Variants in VWA3B observed in about 807,000 individuals in gnomAD.
The protein encoded by VWA3B is von Willebrand factor A domain-containing protein 3B.
In VWA3B, 138 loss-of-function variants were observed where a neutral mutation model predicts 158.3. The observed-to-expected ratio is 0.87, with a 90% CI of 0.76 to 1.00. The LOEUF (loss-of-function observed/expected upper bound fraction) is 1.00, where lower values mean the gene tolerates loss of function less well. Among genes scored for constraint, VWA3B ranks in the 50% least tolerant of loss-of-function variants. VWA3B has a pLI of 0.00. For missense variants in VWA3B, 1,555 were observed against 1,565.1 expected, an observed-to-expected ratio of 0.99 and a Z score of 0.11; for synonymous variants, 596 against 587.3, an observed-to-expected ratio of 1.01 and a Z score of -0.21.
chr2:98,223,752 C>G (rs978511731), intron 14 of VWA3B, among the ~76,000 whole-genome samples: 2 of 152,038 alleles, frequency 1.3e-5, no homozygotes, highest in African/African-American at 4.8e-5. Flanking sequence ...GTTTTAGAGA[C>G]AAGGGTTTTA....
chr2:98,092,383 G>A (rs1011292173), intron 1 of VWA3B, among the ~76,000 whole-genome samples: 2 of 152,140 alleles, frequency 1.3e-5, no homozygotes, highest in Non-Finnish European at 2.9e-5. Context: ...AGTGGCTCAC[G>A]CCTGTAATCC....
chr2:98,103,715 C>A (rs1683240443), intron 2 of VWA3B, among the ~76,000 whole-genome samples: 1 of 152,258 alleles, frequency 6.6e-6, no homozygotes, highest in Admixed American at 6.5e-5. Context: ...ACATTGCATG[C>A]ACACTTGAAA....
intron 5 of VWA3B, among the ~76,000 whole-genome samples, chr2:98,122,795 G>A (rs1319410168): frequency 6.6e-6 from 1 of 152,134 alleles, no homozygotes; most frequent in Non-Finnish European, 1.5e-5. Context: ...CCTTTCTCCG[G>A]GGTTCATTCC....
chr2:98,317,724 GATGTCTC>G (rs1345270576), downstream of VWA3B, among the ~76,000 whole-genome samples: 1 of 152,114 alleles, frequency 6.6e-6, no homozygotes, highest in Non-Finnish European at 1.5e-5. Flanking sequence ...GTATTTAATT[GATGTCTC>G]ATGTCTCCCT....
chr2:98,187,658 C>CTGTGTGTGTGTGTGTGTGTG (rs1389987333), intron 9 of VWA3B, among the ~76,000 whole-genome samples: 4 of 109,916 alleles, frequency 3.6e-5, no homozygotes, highest in African/African-American at 7.5e-5. Context: ...CTCTCCGTCT[C>CTGTGTGTGTGTGTGTGTGTG]TGTGTCTGTG....
chr2:98,116,170 T>C (rs1299883262), intron 3 of VWA3B, among the ~76,000 whole-genome samples: 2 of 152,054 alleles, frequency 1.3e-5, no homozygotes, highest in Non-Finnish European at 2.9e-5. Flanking sequence ...AGCACCTGAG[T>C]CTCACGTCTC....
intron 7 of VWA3B, among the ~76,000 whole-genome samples, chr2:98,162,510 C>T (rs1678696986): frequency 2.0e-5 from 3 of 152,178 alleles, no homozygotes; most frequent in Admixed American, 6.6e-5. Context: ...TTCCCCTCCT[C>T]GCAGCGGTGA....
rs116718366 is a variant in VWA3B, at chr2:98,269,881, G to A, written c.2844-801G>A. Among the ~76,000 whole-genome samples, 796 of 152,326 alleles carry A rather than the reference G, an allele frequency of 5.2e-3. 7 individuals carry two copies. Among genetic ancestry groups the A allele is most frequent in the African/African-American group, 0.018 (753 of 41,552 alleles). ...TCTTCTGGGTACGAGTTTGTTTGTGGATGGAGTCCTGTGATTGTGCTGAGT... is the reference window on the plus strand; with the variant it reads ...TCTTCTGGGTACGAGTTTGTTTGTGAATGGAGTCCTGTGATTGTGCTGAGT... On this transcript the variant is annotated intron_variant, in intron 21 of 27. Coordinates refer to ENST00000477737, the MANE Select transcript of VWA3B (RefSeq NM_144992.5).
intron 2 of VWA3B, among the ~76,000 whole-genome samples, chr2:98,112,002 C>T (rs1674169828): frequency 6.6e-6 from 1 of 152,166 alleles, no homozygotes; most frequent in African/African-American, 2.4e-5. Context: ...AAGGCCTGTG[C>T]CCAGAATAAT....
At chr2:98,102,154 GAC>G (rs1683123920) in intron 2 of VWA3B, among the ~76,000 whole-genome samples, 1 of 152,150 alleles carries the variant, frequency 6.6e-6, no homozygotes, top group African/African-American at 2.4e-5. Flanking sequence ...ACCCTGAGTT[GAC>G]ACAGCACATG....
At chr2:98,218,726 C>T (rs1684238394) in intron 14 of VWA3B, among the ~76,000 whole-genome samples, 1 of 152,168 alleles carries the variant, frequency 6.6e-6, no homozygotes, top group Admixed American at 6.6e-5. Flanking sequence ...TGAGGAGTGA[C>T]TTTAAATCCA....
intron 7 of VWA3B, among the ~76,000 whole-genome samples, chr2:98,138,664 C>T (rs1387235946): frequency 6.6e-6 from 1 of 152,208 alleles, no homozygotes; most frequent in Non-Finnish European, 1.5e-5. Context: ...AATTACTCAC[C>T]TGCGTGAGGG....
chr2:98,180,978 C>T (rs996665047), intron 8 of VWA3B, 38 bp from the exon 9 acceptor site: 1 of 1,601,784 alleles, frequency 6.2e-7, no homozygotes, highest in Non-Finnish European at 8.5e-7. Context: ...ATGAATGGCT[C>T]ATGCAGTATG....
intron 22 of VWA3B, among the ~76,000 whole-genome samples, chr2:98,289,732 C>T (rs913291123): frequency 3.3e-5 from 5 of 152,152 alleles, no homozygotes; most frequent in African/African-American, 7.2e-5. Context: ...GCCCCTTTAC[C>T]GCTCACTGTT....
intron 26 of VWA3B, among the ~76,000 whole-genome samples, chr2:98,306,671 C>A (rs1393925606): frequency 6.6e-6 from 1 of 152,162 alleles, no homozygotes; most frequent in Admixed American, 6.5e-5. Flanking sequence ...TACCCATTTT[C>A]ACCAAACTCA....
At chr2:98,229,916 C>T in intron 15 of VWA3B, 134 bp from the exon 16 acceptor site, 1 of 986,506 alleles carries the variant, frequency 1.0e-6, no homozygotes, top group Non-Finnish European at 1.4e-6. Context: ...TTTATATTAA[C>T]CCAGATGGGG....
chr2:98,106,603 CAT>C (rs374269770), intron 2 of VWA3B, among the ~76,000 whole-genome samples: 25 of 152,208 alleles, frequency 1.6e-4, no homozygotes, highest in Non-Finnish European at 3.2e-4. Flanking sequence ...GAAGCCTGCA[CAT>C]GTTTTGTTAG....
chr2:98,114,276 T>A (rs1674363115), intron 2 of VWA3B, among the ~76,000 whole-genome samples: 1 of 152,220 alleles, frequency 6.6e-6, no homozygotes, highest in Non-Finnish European at 1.5e-5. Context: ...CAACTCCAGA[T>A]AAATGTCTTA....
Position 98,119,502 on chromosome 2 carries a change from T to G in VWA3B, c.292-11T>G. The G allele has an allele frequency of 6.2e-7, 1 of 1,612,256 alleles. No individual in the cohort carries two copies. On this transcript the variant is annotated splice_polypyrimidine_tract_variant and intron_variant, in intron 3 of 27. Coordinates refer to ENST00000477737, the MANE Select transcript of VWA3B (RefSeq NM_144992.5). ...GTTGTTTTATTGTTTTTGTCTTTTA[T>G]TTTCATTAAGCTGACAGCTAAATCA...
Sources: allele counts gnomAD v4.1 joint callset (sites outside exome capture counted in the v4.1 genomes callset), GRCh38; gene constraint gnomAD v4.1.1; transcripts MANE v1.5; gene names NCBI Gene and HGNC (gene_info 2026-07-23, HGNC 2026-07-21).